C9orf40: variants seen among roughly 807,000 people sequenced by gnomAD.
The protein encoded by C9orf40 is uncharacterized protein C9orf40.
C9orf40 carries 2 observed loss-of-function variants against 7.9 expected under a neutral mutation model. The ratio of observed to expected loss-of-function variants is 0.25; its 90% CI spans 0.10 to 0.80. The LOEUF is 0.80. C9orf40 is among the 30% of genes least tolerant of loss of function. C9orf40 has a pLI of 0.68. For missense variants in C9orf40, 256 were observed against 268.5 expected (o/e 0.95, Z 0.33); for synonymous variants, 113 against 117.6 (o/e 0.96, Z 0.25).
intron 1 of C9orf40, among the ~76,000 whole-genome samples, chr9:74,951,748 C>T (rs1277051632): frequency 6.6e-6 from 1 of 152,222 alleles, no homozygotes; most frequent in Non-Finnish European, 1.5e-5. Context: ...CACTGGTCTC[C>T]CTCTAGAAAA....
Position 74,949,984 on chromosome 9 carries a change from CA to C in C9orf40, c.427-1779del, listed in dbSNP as rs544322010. ...GTAACATGGCAAAACCCCATCTCCA[CA>C]AAAAAAAAAAAATTAGTCCAGCGTG... On this transcript the variant is annotated intron_variant, in intron 1 of 1. Transcript: ENST00000376854. Among the ~76,000 whole-genome samples, 276 of 144,572 alleles carry C rather than the reference CA, an allele frequency of 1.9e-3. 2 individuals carry two copies. The highest frequency in any genetic ancestry group is 4.1e-3 in the Admixed American group (59 of 14,504). The allele number at this position is 144,572 out of a possible 152,430, so 94.8% of individuals were successfully genotyped here.
At position 74,947,197 on chromosome 9, in the gene C9orf40, T is replaced by C. The variant is rs1456142277; in HGVS notation, c.*851A>G. On this transcript the variant is annotated 3_prime_UTR_variant, in exon 2 of 2. Transcript: ENST00000376854. ...GGACAGGTGTTTAAAAAAATAGTTATATCCAAGACCCACCTCAGAACTATT... is the reference window on the plus strand; with the variant it reads ...GGACAGGTGTTTAAAAAAATAGTTACATCCAAGACCCACCTCAGAACTATT... 1.3e-5 allele frequency: 2 copies of C among 152,624 alleles called. No individual in the cohort carries two copies. The highest frequency in any genetic ancestry group is 4.8e-5 in the African/African-American group (2 of 41,438). 9.5% of individuals were successfully genotyped at this position (152,624 alleles called of 1,614,324 possible).
In C9orf40 at chr9:74,952,781, G is replaced by A. The variant is rs972922883; in HGVS notation, c.-170C>T. The A allele has an allele frequency of 1.8e-6, 1 of 561,200 alleles. No individual in the cohort carries two copies. Among genetic ancestry groups the A allele is most frequent in the Non-Finnish European group, 3.0e-6 (1 of 334,724 alleles). The allele number at this position is 561,200 out of a possible 1,614,324, so 34.8% of individuals were successfully genotyped here. ...GCGGGGCAGCTCGCGCAGGGCCTAG[G>A]GCTGGGGCTCCGGCTCGGAGGCAGC... On this transcript the variant is annotated 5_prime_UTR_variant, in exon 1 of 2. Transcript: ENST00000376854. This position sits in a 1 kb window ranked among gnomAD's most constrained non-coding sequence, Gnocchi z 5.4.
chr9:74,949,994 A>C (rs560589553), intron 1 of C9orf40, among the ~76,000 whole-genome samples: 1 of 152,208 alleles, frequency 6.6e-6, no homozygotes, highest in African/African-American at 2.4e-5. Context: ...CAAAAAAAAA[A>C]AAATTAGTCC....
Position 74,952,017 on chromosome 9 carries a change from G to C in C9orf40, c.426+169C>G, listed in dbSNP as rs925371122. On this transcript the variant is annotated intron_variant, in intron 1 of 1. Coordinates refer to ENST00000376854, the MANE Select transcript of C9orf40 (RefSeq NM_017998.3). This position sits in a 1 kb window ranked among gnomAD's most constrained non-coding sequence, Gnocchi z 5.4. ...AGTGCTTTCTGCCCATCGGACTCTC[G>C]GGGTGTGCTTCTGGCGGTCGGCGTC... Among the ~76,000 whole-genome samples, 1 of 152,194 alleles carries C rather than the reference G, an allele frequency of 6.6e-6. No individual in the cohort carries two copies. Among genetic ancestry groups the C allele is most frequent in the Non-Finnish European group, 1.5e-5 (1 of 68,028 alleles).
Position 74,947,624 on chromosome 9 carries a change from T to A in C9orf40, c.*424A>T. ...CTATTTGTTCAACTAACAGAGTCAA[T>A]AGAATGTATTAGAAAGTACTTTATT... On this transcript the variant is annotated 3_prime_UTR_variant, in exon 2 of 2. Coordinates refer to ENST00000376854, the MANE Select transcript of C9orf40 (RefSeq NM_017998.3). The A allele has an allele frequency of 6.5e-6, 1 of 153,574 alleles. No individual in the cohort carries two copies. The allele number at this position is 153,574 out of a possible 1,614,324, so 9.5% of individuals were successfully genotyped here.
chr9:74,948,656 T>G (rs1444440326), intron 1 of C9orf40, among the ~76,000 whole-genome samples: 3 of 152,182 alleles, frequency 2.0e-5, no homozygotes, highest in Non-Finnish European at 2.9e-5. Context: ...CCAAAATATT[T>G]TGAAATCTTC....
In C9orf40 at chr9:74,952,162, A is replaced by AT; in HGVS notation, c.426+23_426+24insA. On this transcript the variant is annotated intron_variant, in intron 1 of 1. Transcript: ENST00000376854. The surrounding 1 kb of genome is among the most constrained non-coding windows in gnomAD (Gnocchi z 5.4). Reference sequence around the variant, plus strand: ...GAAAAGGCAAGCCCCTTCGCCCCTCAGCCCACCCGCCCCCAGCCCCTACCT... The same window carrying AT: ...GAAAAGGCAAGCCCCTTCGCCCCTCATGCCCACCCGCCCCCAGCCCCTACCT... 7.0e-5 allele frequency: 28 copies of AT among 399,220 alleles called. No homozygotes were observed. The highest frequency in any genetic ancestry group is 1.4e-4 in the East Asian group (3 of 22,108). The allele number at this position is 399,220 out of a possible 1,614,324, so 24.7% of individuals were successfully genotyped here.
chr9:74,950,524 C>G (rs1022983396), intron 1 of C9orf40, among the ~76,000 whole-genome samples: 2 of 150,808 alleles, frequency 1.3e-5, no homozygotes, highest in African/African-American at 4.9e-5. Flanking sequence ...CATCTGTTTT[C>G]AGTTGATTTT....
chr9:74,950,104 G>A (rs1832280642), intron 1 of C9orf40, among the ~76,000 whole-genome samples: 1 of 152,202 alleles, frequency 6.6e-6, no homozygotes, highest in Non-Finnish European at 1.5e-5. Flanking sequence ...ATGGGAGCGA[G>A]ACCCCAAGAC....
At position 74,947,049 on chromosome 9, in the gene C9orf40, A is replaced by G. The variant is rs1026270602; in HGVS notation, c.*999T>C. The G allele has an allele frequency of 1.3e-5, 2 of 152,268 alleles. No homozygotes were observed. Among genetic ancestry groups the G allele is most frequent in the Non-Finnish European group, 2.9e-5 (2 of 68,046 alleles). 9.4% of individuals were successfully genotyped at this position (152,268 alleles called of 1,614,324 possible). On this transcript the variant is annotated 3_prime_UTR_variant, in exon 2 of 2. Coordinates refer to ENST00000376854, the MANE Select transcript of C9orf40 (RefSeq NM_017998.3). ...CAAAGCCACCAACAGAGCAAAACAA[A>G]AACAAAGCTAATTAAGAAGCATTGC...
At chr9:74,948,447 C>T (rs1177333981) in intron 1 of C9orf40, among the ~76,000 whole-genome samples, 1 of 152,024 alleles carries the variant, frequency 6.6e-6, no homozygotes, top group African/African-American at 2.4e-5. Context: ...AAGGAATTTC[C>T]TCCAAGAGCA....
At chr9:74,951,642 G>A (rs543029077) in intron 1 of C9orf40, among the ~76,000 whole-genome samples, 13 of 152,322 alleles carry the variant, frequency 8.5e-5, no homozygotes, top group African/African-American at 2.9e-4. Flanking sequence ...TTAACACTAT[G>A]AGTTAAAACA....
intron 1 of C9orf40, among the ~76,000 whole-genome samples, chr9:74,948,828 G>C: frequency 6.6e-6 from 1 of 152,138 alleles, no homozygotes; most frequent in East Asian, 1.9e-4. Flanking sequence ...GAAGTTCACT[G>C]TCTTCTATGC....
intron 1 of C9orf40, among the ~76,000 whole-genome samples, chr9:74,950,977 A>G (rs1832288394): frequency 6.6e-6 from 1 of 152,218 alleles, no homozygotes; most frequent in African/African-American, 2.4e-5. Context: ...TAATTTTAAT[A>G]TATTTTCTTC....
At position 74,952,570 on chromosome 9, in the gene C9orf40, C is replaced by G. The variant is rs750506874; in HGVS notation, c.42G>C (p.Val14=). Residue 14 remains valine, a synonymous_variant, in exon 1 of 2, where the codon GTG becomes GTC. Coordinates refer to ENST00000376854, the MANE Select transcript of C9orf40 (RefSeq NM_017998.3). This position sits in a 1 kb window ranked among gnomAD's most constrained non-coding sequence, Gnocchi z 5.4. ...CGCAAAGCAGGAGCCGCTTCCAAGGCACGTGGAACGTCACCGGCTCGGCCG... is the reference window on the plus strand; with the variant it reads ...CGCAAAGCAGGAGCCGCTTCCAAGGGACGTGGAACGTCACCGGCTCGGCCG... The part of the protein sequence containing the change: ...RRAAEPVTFH[V]PWKRLLLCDF... 6.3e-7 allele frequency: 1 copy of G among 1,585,272 alleles called. No homozygotes were observed. Among genetic ancestry groups the G allele is most frequent in the Non-Finnish European group, 8.5e-7 (1 of 1,175,120 alleles).
At chr9:74,951,473 T>G (rs527276986) in intron 1 of C9orf40, among the ~76,000 whole-genome samples, 1 of 152,088 alleles carries the variant, frequency 6.6e-6, no homozygotes. Context: ...TGTGTTTTAA[T>G]AGAGACAGAG....
At position 74,952,134 on chromosome 9, in the gene C9orf40, G is replaced by A. The variant is rs897730827; in HGVS notation, c.426+52C>T. 6 of 632,502 alleles carry A rather than the reference G, an allele frequency of 9.5e-6. No individual in the cohort carries two copies. The highest frequency in any genetic ancestry group is 1.1e-5 in the Non-Finnish European group (5 of 438,584). 39.2% of individuals were successfully genotyped at this position (632,502 alleles called of 1,614,324 possible). On this transcript the variant is annotated intron_variant, in intron 1 of 1. Transcript: ENST00000376854. This position sits in a 1 kb window ranked among gnomAD's most constrained non-coding sequence, Gnocchi z 5.4. The stretch of plus-strand genomic sequence containing the variant: ...GGGAACCGGGGCGTTTTGTGTGTGT[G>A]GGGAAAAGGCAAGCCCCTTCGCCCC...
rs1234857584 is a variant in C9orf40, at chr9:74,952,055, G to C, written c.426+131C>G. 2 of 382,964 alleles carry C rather than the reference G, an allele frequency of 5.2e-6. No individual in the cohort carries two copies. Among genetic ancestry groups the C allele is most frequent in the Non-Finnish European group, 9.2e-6 (2 of 216,702 alleles). The allele number at this position is 382,964 out of a possible 1,614,324, so 23.7% of individuals were successfully genotyped here. ...GGCGGTCGGCGTCCTCTCCCGGAGC[G>C]GTGACCCCTTCTTTCAACCCCCTCA... On this transcript the variant is annotated intron_variant, in intron 1 of 1. Transcript: ENST00000376854. The surrounding 1 kb of genome is among the most constrained non-coding windows in gnomAD (Gnocchi z 5.4).
Sources: allele counts gnomAD v4.1 joint callset (sites outside exome capture counted in the v4.1 genomes callset), GRCh38; gene constraint gnomAD v4.1.1; non-coding constraint Gnocchi (gnomAD v3.1); transcripts MANE v1.5; gene names NCBI Gene and HGNC (gene_info 2026-07-23, HGNC 2026-07-21).